PRKAR1B: variants seen among roughly 807,000 people sequenced by gnomAD.
PRKAR1B encodes the protein protein kinase cAMP-dependent type I regulatory subunit beta.
In PRKAR1B, 22 loss-of-function variants were observed where a neutral mutation model predicts 46.5. The ratio of observed to expected loss-of-function variants is 0.47; its 90% CI spans 0.34 to 0.68. The LOEUF (loss-of-function observed/expected upper bound fraction) is 0.68. Among genes scored for constraint, PRKAR1B ranks in the 30% least tolerant of loss-of-function variants. The pLI, the probability that PRKAR1B is intolerant of heterozygous loss-of-function variation, is 0.01. For missense variants in PRKAR1B, 445 were observed against 535.6 expected, an observed-to-expected ratio of 0.83 and a Z score of 1.67; for synonymous variants, 259 against 217.7, an observed-to-expected ratio of 1.19 and a Z score of -1.67.
intron 4 of PRKAR1B, among the ~76,000 whole-genome samples, chr7:613,230 C>A (rs1782625676): frequency 7.0e-6 from 1 of 143,348 alleles, no homozygotes; most frequent in Admixed American, 6.9e-5. Flanking sequence ...GTGTTTTTTT[C>A]TTTTTCTTTT....
At chr7:558,691 G>T (rs974658089) in intron 9 of PRKAR1B, among the ~76,000 whole-genome samples, 3 of 152,110 alleles carry the variant, frequency 2.0e-5, no homozygotes, top group African/African-American at 7.2e-5. Flanking sequence ...GGGGGAGGTT[G>T]CAGTGAGCCG....
At chr7:705,800 G>C (rs940328374) in intron 2 of PRKAR1B, among the ~76,000 whole-genome samples, 1 of 152,202 alleles carries the variant, frequency 6.6e-6, no homozygotes, top group Non-Finnish European at 1.5e-5. Context: ...GCCGAGGCAG[G>C]TGGATCACCT....
chr7:677,372 G>T, intron 3 of PRKAR1B, 52 bp from the exon 4 acceptor site: 1 of 1,521,518 alleles, frequency 6.6e-7, no homozygotes, highest in South Asian at 1.1e-5. Context: ...CTGATGCTGT[G>T]ACGCGGCCTG....
rs546447580 is a variant in PRKAR1B at position 711,258 on chromosome 7, G to T, written c.177+71C>A. The stretch of plus-strand genomic sequence containing the variant: ...TTCGAGGACCACGGGACAGAGGGAA[G>T]GCTTCCCCGGCTGCCGCCTCTGCCC... On this transcript the variant is annotated intron_variant, in intron 2 of 10. Transcript: ENST00000537384. The T allele has an allele frequency of 5.2e-5, 81 of 1,571,510 alleles. 1 individual carries two copies. In the African/African-American group the frequency reaches 1.0e-3, roughly 20 times the overall value.
At chr7:728,244 G>A (rs770990608), upstream of PRKAR1B, among the ~76,000 whole-genome samples, 2 of 152,134 alleles carry the variant, frequency 1.3e-5, no homozygotes, top group Non-Finnish European at 2.9e-5. Context: ...TCCTGCTGGC[G>A]GGAAGGCTTT....
At chr7:615,821 C>CAAA (rs1782779396) in intron 4 of PRKAR1B, among the ~76,000 whole-genome samples, 1 of 78,424 alleles carries the variant, frequency 1.3e-5, no homozygotes. Context: ...GAGCAAGACT[C>CAAA]CATCAAAAAA....
At chr7:723,063 G>A (rs1304567066) in intron 1 of PRKAR1B, among the ~76,000 whole-genome samples, 1 of 152,198 alleles carries the variant, frequency 6.6e-6, no homozygotes, top group African/African-American at 2.4e-5. Context: ...GCCGCCTGGT[G>A]TCACTGGGCT....
chr7:709,931 C>T (rs905715660), intron 2 of PRKAR1B, among the ~76,000 whole-genome samples: 6 of 152,178 alleles, frequency 3.9e-5, no homozygotes, highest in African/African-American at 1.2e-4. Flanking sequence ...TATAAGCCAC[C>T]GTATCTGGCC....
intron 9 of PRKAR1B, among the ~76,000 whole-genome samples, chr7:574,963 G>A (rs1032251267): frequency 3.3e-5 from 5 of 152,322 alleles, no homozygotes; most frequent in South Asian, 2.1e-4. Context: ...TGGAGCGGCC[G>A]GGAGAGCCAC....
intron 4 of PRKAR1B, among the ~76,000 whole-genome samples, chr7:615,529 G>C (rs922293182): frequency 2.4e-4 from 36 of 151,522 alleles, no homozygotes; most frequent in Non-Finnish European, 2.4e-4. Flanking sequence ...AGGAAAGAAA[G>C]AGAGAGAGAA....
chr7:706,572 C>T (rs1186501301), intron 2 of PRKAR1B, among the ~76,000 whole-genome samples: 1 of 147,394 alleles, frequency 6.8e-6, no homozygotes, highest in East Asian at 2.0e-4. Flanking sequence ...GCACCCGCCA[C>T]CATGCCCAGC....
intron 7 of PRKAR1B, among the ~76,000 whole-genome samples, chr7:590,041 C>T (rs1271239420): frequency 6.6e-6 from 1 of 152,240 alleles, no homozygotes; most frequent in Non-Finnish European, 1.5e-5. Context: ...GGCTCAACAC[C>T]ACGCAGAGAG....
intron 5 of PRKAR1B, 55 bp downstream of exon 5, chr7:607,336 G>T (rs945358424): frequency 2.0e-6 from 3 of 1,510,824 alleles, no homozygotes; most frequent in Non-Finnish European, 2.7e-6. Context: ...TTTTTTAAGT[G>T]CATAGTCCAT....
chr7:618,794 G>C (rs1445034040), intron 4 of PRKAR1B, among the ~76,000 whole-genome samples: 2 of 152,302 alleles, frequency 1.3e-5, no homozygotes, highest in East Asian at 3.9e-4. Context: ...AATTCCTTGT[G>C]TGTTTTAGAT....
At chr7:700,867 G>A (rs1169141410) in intron 2 of PRKAR1B, among the ~76,000 whole-genome samples, 1 of 152,164 alleles carries the variant, frequency 6.6e-6, no homozygotes, top group African/African-American at 2.4e-5. Flanking sequence ...TGAGTTTGAA[G>A]AGAGATCAAC....
chr7:646,453 A>G (rs1784626974), intron 4 of PRKAR1B, among the ~76,000 whole-genome samples: 1 of 152,238 alleles, frequency 6.6e-6, no homozygotes, highest in South Asian at 2.1e-4. Flanking sequence ...TGCAATTCCA[A>G]GTGCCAAGCA....
intron 9 of PRKAR1B, among the ~76,000 whole-genome samples, chr7:563,518 A>G (rs1778935572): frequency 6.6e-6 from 1 of 152,238 alleles, no homozygotes; most frequent in Non-Finnish European, 1.5e-5. Context: ...CAGCCTCTGC[A>G]ACCTCTGCAC....
chr7:693,084 A>G (rs972690917), intron 2 of PRKAR1B, among the ~76,000 whole-genome samples: 7 of 151,578 alleles, frequency 4.6e-5, no homozygotes, highest in South Asian at 4.2e-4. Flanking sequence ...ACAGGCGCCC[A>G]CCACCACACC....
chr7:568,661 G>A (rs1779315688), intron 9 of PRKAR1B, among the ~76,000 whole-genome samples: 3 of 152,242 alleles, frequency 2.0e-5, no homozygotes, highest in African/African-American at 7.2e-5. Flanking sequence ...CTGCTGCGGG[G>A]GGTGGACGAC....
Sources: allele counts gnomAD v4.1 joint callset (sites outside exome capture counted in the v4.1 genomes callset), GRCh38; gene constraint gnomAD v4.1.1; transcripts MANE v1.5; gene names NCBI Gene and HGNC (gene_info 2026-07-23, HGNC 2026-07-21).